ITGB8: variants seen among roughly 807,000 people sequenced by gnomAD.
ITGB8 encodes integrin subunit beta 8.
Under a neutral mutation model 89.5 loss-of-function variants are expected in ITGB8, and 30 were observed. That is an observed-to-expected ratio of 0.34 (90% confidence interval 0.25 to 0.45). The LOEUF (loss-of-function observed/expected upper bound fraction) is 0.45. ITGB8 is among the 20% of genes least tolerant of loss of function. The probability of loss-of-function intolerance (pLI) is 1.00; values close to 1 mark genes in which losing one functional copy is unlikely to be tolerated. For synonymous variants in ITGB8, 335 were observed against 320.4 expected (o/e 1.05, Z -0.49); for missense variants, 836 against 933.3 (o/e 0.90, Z 1.36).
chr7:20,344,403 G>A (rs547947133), intron 1 of ITGB8, among the ~76,000 whole-genome samples: 6 of 152,208 alleles, frequency 3.9e-5, no homozygotes, highest in East Asian at 3.8e-4. Flanking sequence ...TGTATTTTGC[G>A]AGATGGTCTT....
At chr7:20,368,729 A>AT (rs1785806394) in intron 3 of ITGB8, among the ~76,000 whole-genome samples, 1 of 152,078 alleles carries the variant, frequency 6.6e-6, no homozygotes, top group Non-Finnish European at 1.5e-5. Context: ...TATTTTTGTT[A>AT]TGCTCCTTCG....
intron 10 of ITGB8, among the ~76,000 whole-genome samples, chr7:20,402,560 T>A (rs966405073): frequency 5.9e-5 from 9 of 152,100 alleles, no homozygotes; most frequent in African/African-American, 1.7e-4. Flanking sequence ...GCTATAAGAG[T>A]ATACTTTTCA....
At position 20,413,323 on chromosome 7, in the gene ITGB8, G is replaced by A. The variant is rs1787828036; in HGVS notation, c.*3326G>A. The A allele has an allele frequency of 6.6e-6, 1 of 152,488 alleles. No homozygotes were observed. The highest frequency in any genetic ancestry group is 6.6e-5 in the Admixed American group (1 of 15,266). The allele number at this position is 152,488 out of a possible 1,614,324, so 9.4% of individuals were successfully genotyped here. On this transcript the variant is annotated 3_prime_UTR_variant, in exon 14 of 14. Transcript: ENST00000222573. ...TCAACATTAAAATTTGTGGATGCATGAGATGCAATCCTTCAAAGAATGAAT... is the reference window on the plus strand; with the variant it reads ...TCAACATTAAAATTTGTGGATGCATAAGATGCAATCCTTCAAAGAATGAAT...
At chr7:20,378,978 A>C (rs1328945427) in intron 3 of ITGB8, 73 bp from the exon 4 acceptor site, 1 of 1,239,378 alleles carries the variant, frequency 8.1e-7, no homozygotes, top group Non-Finnish European at 1.1e-6. Context: ...CTAGAATGTG[A>C]CTAATTTATT....
chr7:20,364,558 G>T (rs1200777400), intron 2 of ITGB8: 1 of 152,060 alleles, frequency 6.6e-6, no homozygotes. Flanking sequence ...TCAAGAAACA[G>T]TAGGCATGTC....
chr7:20,350,322 A>G (rs551938678), intron 1 of ITGB8, among the ~76,000 whole-genome samples: 1 of 152,148 alleles, frequency 6.6e-6, no homozygotes, highest in Non-Finnish European at 1.5e-5. Flanking sequence ...TAATTTTTGT[A>G]TTTTTAGTAG....
At chr7:20,385,158 T>G (rs1171573984) in intron 6 of ITGB8, among the ~76,000 whole-genome samples, 1 of 152,198 alleles carries the variant, frequency 6.6e-6, no homozygotes, top group Non-Finnish European at 1.5e-5. Context: ...ACCCACCCCT[T>G]GGTGGAGGCC....
intron 1 of ITGB8, among the ~76,000 whole-genome samples, chr7:20,334,736 T>C (rs1326696352): frequency 6.6e-6 from 1 of 152,186 alleles, no homozygotes; most frequent in African/African-American, 2.4e-5. Flanking sequence ...ATTAATTCTA[T>C]CTTGAAGCAA....
chr7:20,346,712 G>A lies in ITGB8; in HGVS notation c.127+14779G>A, dbSNP rs1267812629. The stretch of plus-strand genomic sequence containing the variant: ...TCTCTGGGTGTCTTAAGACACTCTT[G>A]ACTCCAGATGATTAAAGTGATTGCC... On this transcript the variant is annotated intron_variant, in intron 1 of 13. Coordinates refer to ENST00000222573, the MANE Select transcript of ITGB8 (RefSeq NM_002214.3). The A allele has an allele frequency of 3.0e-6, 3 of 985,186 alleles. No individual in the cohort carries two copies. In the African/African-American group the frequency reaches 5.2e-5, roughly 17 times the overall value. 61.0% of individuals were successfully genotyped at this position (985,186 alleles called of 1,614,324 possible).
chr7:20,345,468 G>A (rs1183253994), intron 1 of ITGB8, among the ~76,000 whole-genome samples: 6 of 151,990 alleles, frequency 3.9e-5, no homozygotes, highest in African/African-American at 1.5e-4. Flanking sequence ...GTGGAGCAGG[G>A]TTGGGGGAAG....
intron 1 of ITGB8, among the ~76,000 whole-genome samples, chr7:20,343,959 T>C (rs1205213374): frequency 6.6e-6 from 1 of 152,226 alleles, no homozygotes; most frequent in Non-Finnish European, 1.5e-5. Flanking sequence ...GCCTTGCAGT[T>C]ATCCTTTGAT....
At chr7:20,386,243 AT>A (rs3032551) in intron 6 of ITGB8, among the ~76,000 whole-genome samples, 4 of 144,822 alleles carry the variant, frequency 2.8e-5, no homozygotes, top group Admixed American at 6.9e-5. Context: ...CTATGAGAAC[AT>A]TTTTTTTTTT....
chr7:20,397,308 C>A (rs887373315), intron 8 of ITGB8, among the ~76,000 whole-genome samples: 2 of 151,982 alleles, frequency 1.3e-5, no homozygotes, highest in Non-Finnish European at 2.9e-5. Flanking sequence ...CTCACTGCAA[C>A]CTCCACCTCC....
chr7:20,358,273 C>T (rs898874470), intron 1 of ITGB8, among the ~76,000 whole-genome samples: 1 of 152,044 alleles, frequency 6.6e-6, no homozygotes, highest in Non-Finnish European at 1.5e-5. Context: ...TACCTGGTTA[C>T]TTTCTCTAGA....
At chr7:20,334,859 G>C (rs1262131896) in intron 1 of ITGB8, among the ~76,000 whole-genome samples, 1 of 152,158 alleles carries the variant, frequency 6.6e-6, no homozygotes, top group African/African-American at 2.4e-5. Context: ...TTCTTCTCTT[G>C]TTACCAAATT....
At chr7:20,359,676 A>T (rs1315105741) in intron 1 of ITGB8, among the ~76,000 whole-genome samples, 1 of 151,110 alleles carries the variant, frequency 6.6e-6, no homozygotes, top group African/African-American at 2.4e-5. Flanking sequence ...AAGGAGAGAG[A>T]GTGTGTGTGT....
intron 1 of ITGB8, among the ~76,000 whole-genome samples, chr7:20,337,737 A>G (rs972977615): frequency 2.0e-5 from 3 of 152,172 alleles, no homozygotes; most frequent in Admixed American, 2.0e-4. Context: ...AGGAGTCCCT[A>G]CCTTGAACCT....
chr7:20,408,127 G>C (rs533807389), intron 12 of ITGB8, among the ~76,000 whole-genome samples: 74 of 152,260 alleles, frequency 4.9e-4, no homozygotes, highest in African/African-American at 1.8e-3. Context: ...CCCCTCTGAT[G>C]ATCTGCCTTA....
At chr7:20,402,744 C>A (rs1399954768) in intron 10 of ITGB8, among the ~76,000 whole-genome samples, 1 of 152,148 alleles carries the variant, frequency 6.6e-6, no homozygotes, top group Admixed American at 6.5e-5. Flanking sequence ...TGAGGCCACA[C>A]ACAGACCAAA....
Sources: gnomAD v4.1 joint callset for allele counts (sites outside exome capture counted in the v4.1 genomes callset) on GRCh38, gnomAD v4.1.1 for gene constraint, MANE v1.5 for transcripts, NCBI Gene and HGNC (gene_info 2026-07-23, HGNC 2026-07-21) for gene names.